The following PRKG1 variants were observed in gnomAD, a reference collection of about 807,000 sequenced individuals.
PRKG1 encodes the protein cGMP-dependent protein kinase 1.
A neutral mutation model predicts 88.1 loss-of-function variants in PRKG1; 35 were observed. That is an observed-to-expected ratio of 0.40 (90% CI 0.30 to 0.53). The LOEUF is 0.53. Ranked by LOEUF, PRKG1 falls within the 20% of genes least tolerant of loss-of-function variation. The pLI, the probability that PRKG1 is intolerant of heterozygous loss-of-function variation, is 0.59. For synonymous variants in PRKG1, 303 were observed against 292.5 expected (o/e 1.04, Z -0.37); for missense variants, 540 against 839.8 (o/e 0.64, Z 4.41).
At chr10:51,242,665 G>C (rs1839185108) in intron 2 of PRKG1, among the ~76,000 whole-genome samples, 1 of 152,096 alleles carries the variant, frequency 6.6e-6, no homozygotes, top group South Asian at 2.1e-4. Flanking sequence ...TTGCTATGTT[G>C]ATCTTTGTTA....
chr10:52,035,839 C>T (rs1399312380), intron 5 of PRKG1, among the ~76,000 whole-genome samples: 20 of 152,104 alleles, frequency 1.3e-4, no homozygotes, highest in Middle Eastern at 3.2e-3. Flanking sequence ...ATTAAAGCAG[C>T]GGGAGCCGCT....
At chr10:51,115,385 A>ATATATAT (rs1554837458) in intron 1 of PRKG1, among the ~76,000 whole-genome samples, 11 of 94,542 alleles carry the variant, frequency 1.2e-4, no homozygotes, top group East Asian at 5.2e-4. Context: ...ATATATATAT[A>ATATATAT]AAACAAATGT....
chr10:51,372,575 G>A (rs2684731), intron 2 of PRKG1, among the ~76,000 whole-genome samples: 8,135 of 152,050 alleles, frequency 0.054, 748 homozygotes, highest in African/African-American at 0.19. Context: ...GCCTTTTCTC[G>A]TTTCCAAAAT....
At position 51,433,100 on chromosome 10, in the gene PRKG1, T is replaced by C. The variant is rs149194655; in HGVS notation, c.479-34623T>C. On this transcript the variant is annotated intron_variant, in intron 2 of 17. Coordinates refer to ENST00000373980, the MANE Select transcript of PRKG1 (RefSeq NM_006258.4). ...CAGTGGATTCTTGATGCATGTCTTC[T>C]GAAAAAGAGCTACATAGAAAAAAGT... is the stretch of plus-strand genomic sequence containing the variant. Among the ~76,000 whole-genome samples the C allele has an allele frequency of 6.4e-3, 974 of 152,212 alleles. 9 individuals are homozygous for C. The highest frequency in any genetic ancestry group is 0.022 in the African/African-American group (920 of 41,554).
At chr10:51,932,231 T>G (rs1301936174) in intron 5 of PRKG1, among the ~76,000 whole-genome samples, 1 of 151,884 alleles carries the variant, frequency 6.6e-6, no homozygotes, top group Non-Finnish European at 1.5e-5. Flanking sequence ...ATTTTTATTC[T>G]TTAACTATCA....
chr10:51,943,237 T>A (rs1404218162), intron 5 of PRKG1, among the ~76,000 whole-genome samples: 1 of 152,032 alleles, frequency 6.6e-6, no homozygotes, highest in African/African-American at 2.4e-5. Context: ...AGTTCACTCA[T>A]GATTTGGCTC....
At chr10:51,254,866 A>G (rs1230100860) in intron 2 of PRKG1, among the ~76,000 whole-genome samples, 1 of 152,056 alleles carries the variant, frequency 6.6e-6, no homozygotes, top group Non-Finnish European at 1.5e-5. Flanking sequence ...TCTTTGGCCC[A>G]GATTAATAAT....
At chr10:51,162,948 G>A (rs1846404901) in intron 2 of PRKG1, among the ~76,000 whole-genome samples, 1 of 152,022 alleles carries the variant, frequency 6.6e-6, no homozygotes, top group South Asian at 2.1e-4. Flanking sequence ...TAAATTTCTG[G>A]CCTGAGGTGA....
At chr10:51,409,473 G>A (rs1374751382) in intron 2 of PRKG1, among the ~76,000 whole-genome samples, 2 of 152,128 alleles carry the variant, frequency 1.3e-5, no homozygotes, top group Non-Finnish European at 2.9e-5. Flanking sequence ...GCACCCAGGG[G>A]CAGTTCAGGT....
At chr10:51,300,374 G>A (rs957348248) in intron 2 of PRKG1, among the ~76,000 whole-genome samples, 2 of 151,990 alleles carry the variant, frequency 1.3e-5, no homozygotes, top group South Asian at 2.1e-4. Flanking sequence ...TCATAAATTC[G>A]GGATTTATGA....
At chr10:52,143,826 T>G (rs990735848) in intron 8 of PRKG1, among the ~76,000 whole-genome samples, 20 of 150,698 alleles carry the variant, frequency 1.3e-4, no homozygotes, top group Non-Finnish European at 2.4e-4. Context: ...GAGTAAATTT[T>G]GGACTGAGAG....
chr10:51,876,682 C>A (rs1210332648), intron 4 of PRKG1, among the ~76,000 whole-genome samples: 2 of 152,164 alleles, frequency 1.3e-5, no homozygotes, highest in African/African-American at 2.4e-5. Context: ...CCAGCACCTG[C>A]AAGTGTTTGC....
intron 17 of PRKG1, 38 bp downstream of exon 17, chr10:52,290,328 T>C (rs369735405): frequency 2.8e-5 from 42 of 1,484,902 alleles, no homozygotes; most frequent in Non-Finnish European, 3.5e-5. Flanking sequence ...TGTGACATAA[T>C]TGATGGTGTT....
chr10:52,145,201 C>T lies in PRKG1; in HGVS notation c.1001+11296C>T, dbSNP rs569700167. The stretch of plus-strand genomic sequence containing the variant: ...AATATAATAATCACAGCTTTGATTA[C>T]GTTAATTACAGTTATTGTTTTGTTT... On this transcript the variant is annotated intron_variant, in intron 8 of 17. Transcript: ENST00000373980. Among the ~76,000 whole-genome samples, 9 of 152,194 alleles carry T rather than the reference C, an allele frequency of 5.9e-5. No homozygotes were observed. The East Asian group carries it at 7.7e-4, about 13-fold the overall frequency.
At chr10:51,949,354 T>C (rs1843130875) in intron 5 of PRKG1, among the ~76,000 whole-genome samples, 1 of 152,048 alleles carries the variant, frequency 6.6e-6, no homozygotes. Context: ...AGCTCACATC[T>C]ATAATCCCGG....
intron 1 of PRKG1, among the ~76,000 whole-genome samples, chr10:51,142,228 T>C (rs1845837347): frequency 6.6e-6 from 1 of 152,122 alleles, no homozygotes; most frequent in African/African-American, 2.4e-5. Flanking sequence ...CGTGTTTCTG[T>C]ATTGAGATTA....
intron 3 of PRKG1, among the ~76,000 whole-genome samples, chr10:51,591,467 A>G (rs547345887): frequency 6.3e-4 from 96 of 152,366 alleles, no homozygotes; most frequent in African/African-American, 2.3e-3. Context: ...GATTTTCCTC[A>G]TAGATATCTA....
intron 5 of PRKG1, among the ~76,000 whole-genome samples, chr10:51,937,066 A>G (rs1181439915): frequency 6.6e-6 from 1 of 152,004 alleles, no homozygotes; most frequent in Non-Finnish European, 1.5e-5. Context: ...TTTAAAATTT[A>G]GCTTTACACT....
intron 8 of PRKG1, among the ~76,000 whole-genome samples, chr10:52,157,389 G>T (rs1453454805): frequency 6.9e-6 from 1 of 145,896 alleles, no homozygotes; most frequent in African/African-American, 2.5e-5. Context: ...TAAATGCTAT[G>T]ATTTTTTAGC....
Sources: gnomAD v4.1 joint callset for allele counts (sites outside exome capture counted in the v4.1 genomes callset) on GRCh38, gnomAD v4.1.1 for gene constraint, MANE v1.5 for transcripts, NCBI Gene and HGNC (gene_info 2026-07-23, HGNC 2026-07-21) for gene names.